LPP: variants seen among roughly 807,000 people sequenced by gnomAD.
LPP encodes the protein LIM domain containing preferred translocation partner in lipoma, also known as lipoma-preferred partner.
Under a neutral mutation model 60.4 loss-of-function variants are expected in LPP, and 38 were observed. The ratio of observed to expected loss-of-function variants is 0.63; its 90% CI spans 0.49 to 0.83. LPP has a LOEUF of 0.83. LPP is among the 40% of genes least tolerant of loss of function. The pLI, the probability that LPP is intolerant of heterozygous loss-of-function variation, is 0.00. For missense variants in LPP, 902 were observed against 783.6 expected, an observed-to-expected ratio of 1.15 and a Z score of -1.80; for synonymous variants, 328 against 290.8, an observed-to-expected ratio of 1.13 and a Z score of -1.30.
At chr3:188,426,737 G>A (rs999826439) in intron 4 of LPP, among the ~76,000 whole-genome samples, 2 of 151,918 alleles carry the variant, frequency 1.3e-5, no homozygotes, top group Non-Finnish European at 1.5e-5. Context: ...ATCTTTGTTG[G>A]TTTAATGTCT....
At chr3:188,789,066 C>A (rs190661447) in intron 9 of LPP, among the ~76,000 whole-genome samples, 1 of 151,506 alleles carries the variant, frequency 6.6e-6, no homozygotes, top group Admixed American at 6.6e-5. Flanking sequence ...AATGTGTTAC[C>A]TCATCCATAG....
At chr3:188,636,145 C>T (rs997540441) in intron 7 of LPP, among the ~76,000 whole-genome samples, 9 of 152,272 alleles carry the variant, frequency 5.9e-5, no homozygotes, top group East Asian at 1.9e-4. Flanking sequence ...TCTGAGGTAC[C>T]GGGTTCATCT....
chr3:188,490,261 G>C (rs988337850), intron 5 of LPP, among the ~76,000 whole-genome samples: 1 of 152,164 alleles, frequency 6.6e-6, no homozygotes, highest in Non-Finnish European at 1.5e-5. Flanking sequence ...CATGAGCTAT[G>C]CCCAGAATTA....
chr3:188,230,047 A>G (rs1364990136), intron 2 of LPP, among the ~76,000 whole-genome samples: 3 of 152,184 alleles, frequency 2.0e-5, no homozygotes, highest in Non-Finnish European at 4.4e-5. Context: ...ATAGTTAGGG[A>G]AAAAGACAAA....
At chr3:188,303,196 G>T (rs527994025) in intron 2 of LPP, among the ~76,000 whole-genome samples, 1 of 152,080 alleles carries the variant, frequency 6.6e-6, no homozygotes, top group Non-Finnish European at 1.5e-5. Context: ...GATAATACAC[G>T]AAACACTCAA....
intron 3 of LPP, among the ~76,000 whole-genome samples, chr3:188,350,192 T>A (rs182666956): frequency 1.6e-4 from 25 of 152,190 alleles, no homozygotes; most frequent in Non-Finnish European, 3.4e-4. Context: ...GCTAAGAAAT[T>A]GAAGGAGGGA....
chr3:188,561,956 G>A lies in LPP; in HGVS notation c.429+37169G>A, dbSNP rs574615052. On this transcript the variant is annotated intron_variant, in intron 6 of 11. Transcript: ENST00000617246. The stretch of plus-strand genomic sequence containing the variant: ...GATTCATGGAGAATTTGCAGCGCAT[G>A]GACTTGTGAGCAGTTGGCGTTAAGG... Among the ~76,000 whole-genome samples the A allele has an allele frequency of 2.8e-3, 420 of 152,112 alleles. 1 individual carries two copies. Among genetic ancestry groups the A allele is most frequent in the Non-Finnish European group, 4.7e-3 (317 of 67,954 alleles).
At chr3:188,246,343 G>C (rs1726942146) in intron 2 of LPP, among the ~76,000 whole-genome samples, 1 of 152,102 alleles carries the variant, frequency 6.6e-6, no homozygotes, top group South Asian at 2.1e-4. Flanking sequence ...ACTTTCTAAA[G>C]CCTTTAGGAA....
At chr3:188,332,020 C>A (rs1432905609) in intron 2 of LPP, among the ~76,000 whole-genome samples, 2 of 152,122 alleles carry the variant, frequency 1.3e-5, no homozygotes, top group Non-Finnish European at 2.9e-5. Context: ...TTCTTTTTCA[C>A]ACATGTGCAC....
chr3:188,245,681 C>T (rs184232104), intron 2 of LPP, among the ~76,000 whole-genome samples: 74 of 151,316 alleles, frequency 4.9e-4, no homozygotes, highest in African/African-American at 1.7e-3. Flanking sequence ...ATCAAAATAA[C>T]GTTGCATTTG....
chr3:188,766,915 C>G (rs1184677636), intron 9 of LPP, among the ~76,000 whole-genome samples: 1 of 152,116 alleles, frequency 6.6e-6, no homozygotes, highest in Non-Finnish European at 1.5e-5. Context: ...GTTACATACA[C>G]ACACACACAA....
intron 6 of LPP, among the ~76,000 whole-genome samples, chr3:188,542,616 T>C (rs1825517253): frequency 6.6e-6 from 1 of 152,238 alleles, no homozygotes; most frequent in Admixed American, 6.5e-5. Flanking sequence ...CATAAACATA[T>C]ATTATGAATT....
intron 6 of LPP, among the ~76,000 whole-genome samples, chr3:188,592,649 A>G (rs980076033): frequency 2.0e-5 from 3 of 148,428 alleles, no homozygotes; most frequent in African/African-American, 7.4e-5. Flanking sequence ...GGTTCAAGCA[A>G]TTCTGCCTCA....
At chr3:188,691,617 A>T (rs2149478151) in intron 7 of LPP, among the ~76,000 whole-genome samples, 1 of 152,352 alleles carries the variant, frequency 6.6e-6, no homozygotes, top group Admixed American at 6.5e-5. Context: ...GCATTAGAAG[A>T]TTGAAGATGA....
intron 9 of LPP, among the ~76,000 whole-genome samples, chr3:188,765,909 C>T (rs997935822): frequency 9.4e-5 from 12 of 127,166 alleles, no homozygotes; most frequent in African/African-American, 2.8e-4. Flanking sequence ...CTCTCTCTGT[C>T]GCCCAGGCTG....
At position 188,407,780 on chromosome 3, in the gene LPP, G is replaced by GTTTTTTTTTTTTT. The variant is rs1268002703; in HGVS notation, c.193+1470_193+1471insTTTTTTTTTTTTT. ...TTCCTCATTTATGGTTTTTTTTTTT[G>GTTTTTTTTTTTTT]TTTGTTTGTTTTTTTTTTTTTTTTT... On this transcript the variant is annotated intron_variant, in intron 4 of 11. Transcript: ENST00000617246. Among the ~76,000 whole-genome samples the GTTTTTTTTTTTTT allele has an allele frequency of 2.0e-3, 186 of 94,888 alleles. 5 individuals carry two copies. The highest frequency in any genetic ancestry group is 2.9e-3 in the African/African-American group (69 of 23,708). 62.3% of individuals were successfully genotyped at this position (94,888 alleles called of 152,430 possible).
At chr3:188,774,702 C>T (rs1200904952) in intron 9 of LPP, among the ~76,000 whole-genome samples, 1 of 152,178 alleles carries the variant, frequency 6.6e-6, no homozygotes, top group African/African-American at 2.4e-5. Flanking sequence ...CTGCTGAGGA[C>T]TGTCTTCCTG....
chr3:188,389,152 T>A (rs1779082734), intron 3 of LPP, among the ~76,000 whole-genome samples: 1 of 152,152 alleles, frequency 6.6e-6, no homozygotes, highest in East Asian at 1.9e-4. Context: ...TGTGTGTGTG[T>A]TTGGTATATT....
At chr3:188,534,996 T>C (rs1435011348) in intron 6 of LPP, among the ~76,000 whole-genome samples, 1 of 152,254 alleles carries the variant, frequency 6.6e-6, no homozygotes, top group Non-Finnish European at 1.5e-5. Context: ...GTTGCATAAT[T>C]TGAACATACA....
Sources: allele counts gnomAD v4.1 joint callset (sites outside exome capture counted in the v4.1 genomes callset), GRCh38; gene constraint gnomAD v4.1.1; transcripts MANE v1.5; gene names NCBI Gene and HGNC (gene_info 2026-07-23, HGNC 2026-07-21).